Variants in ZDHHC6 observed in about 807,000 individuals in gnomAD.
ZDHHC6 encodes the protein palmitoyltransferase ZDHHC6.
A neutral mutation model predicts 57.8 loss-of-function variants in ZDHHC6; 32 were observed. That is an observed-to-expected ratio of 0.55 (90% CI 0.42 to 0.74). The LOEUF is 0.74. ZDHHC6 is among the 30% of genes least tolerant of loss of function. The pLI is 0.00. For missense variants in ZDHHC6, 433 were observed against 500.7 expected, an observed-to-expected ratio of 0.86 and a Z score of 1.29; for synonymous variants, 128 against 158.0, an observed-to-expected ratio of 0.81 and a Z score of 1.42.
downstream of ZDHHC6, chr10:112,425,429 A>G (rs1322229008): frequency 7.4e-6 from 12 of 1,613,640 alleles, no homozygotes; most frequent in Non-Finnish European, 1.0e-5. Flanking sequence ...GAAAATATCT[A>G]CAACAGGAGT....
chr10:112,426,223 C>G, downstream of ZDHHC6: 1 of 1,561,792 alleles, frequency 6.4e-7, no homozygotes, highest in Non-Finnish European at 8.8e-7. Context: ...CATAACTTCT[C>G]TCATGCCCTT....
At chr10:112,440,761 G>GA (rs1467156528) in intron 4 of ZDHHC6, 66 bp from the exon 5 acceptor site, 33 of 1,465,480 alleles carry the variant, frequency 2.3e-5, no homozygotes, top group Non-Finnish European at 3.0e-5. Flanking sequence ...ACTCTACTGT[G>GA]ACACGTAAAA....
intron 10 of ZDHHC6, among the ~76,000 whole-genome samples, chr10:112,431,161 C>G (rs529806051): frequency 6.6e-6 from 1 of 152,144 alleles, no homozygotes; most frequent in Non-Finnish European, 1.5e-5. Flanking sequence ...CAGCTCCTAA[C>G]TAGAGTCAGG....
downstream of ZDHHC6, chr10:112,427,469 T>A: frequency 9.6e-7 from 1 of 1,043,488 alleles, no homozygotes; most frequent in Non-Finnish European, 1.3e-6. Context: ...TTTAACCTGT[T>A]AAACTCTAAA....
At chr10:112,438,307 A>G (rs1845745138) in intron 6 of ZDHHC6, 29 bp downstream of exon 6, 1 of 1,264,330 alleles carries the variant, frequency 7.9e-7, no homozygotes, top group South Asian at 1.7e-5. Flanking sequence ...TACTTTTTTA[A>G]TATTGAAGAA....
intron 5 of ZDHHC6, among the ~76,000 whole-genome samples, chr10:112,440,052 G>C (rs1845958270): frequency 1.3e-5 from 2 of 151,454 alleles, no homozygotes; most frequent in African/African-American, 4.8e-5. Flanking sequence ...CCAAGTACAT[G>C]AATGGGTGAC....
downstream of ZDHHC6, chr10:112,426,667 CAT>C (rs1844732382): frequency 3.5e-6 from 3 of 852,748 alleles, no homozygotes; most frequent in Non-Finnish European, 3.8e-6. Flanking sequence ...TGTGCTTGTG[CAT>C]AGTTTTATAT....
At chr10:112,444,423 G>A (rs1228132398) in intron 2 of ZDHHC6, among the ~76,000 whole-genome samples, 1 of 152,180 alleles carries the variant, frequency 6.6e-6, no homozygotes, top group East Asian at 1.9e-4. Flanking sequence ...GCACAAGTGC[G>A]TTTGTTTCTT....
At chr10:112,436,293 G>T (rs762410934) in intron 6 of ZDHHC6, among the ~76,000 whole-genome samples, 1 of 152,166 alleles carries the variant, frequency 6.6e-6, no homozygotes, top group Non-Finnish European at 1.5e-5. Context: ...TGGCCAACAT[G>T]GTGAAAGCCT....
chr10:112,425,962 A>G (rs1158805088), downstream of ZDHHC6, among the ~76,000 whole-genome samples: 1 of 152,174 alleles, frequency 6.6e-6, no homozygotes, highest in African/African-American at 2.4e-5. Context: ...CTGTGCTTAA[A>G]TGTAGCTTTT....
At chr10:112,425,288 T>TATG in exon 12 of ZDHHC6, 1 of 1,523,718 alleles carries the variant, frequency 6.6e-7, no homozygotes, top group Non-Finnish European at 8.9e-7. Flanking sequence ...TCCCCACTGA[T>TATG]ATCATCTCTG....
At chr10:112,425,409 A>C (rs1303750666), downstream of ZDHHC6, 1 of 1,613,708 alleles carries the variant, frequency 6.2e-7, no homozygotes, top group Non-Finnish European at 8.5e-7. Context: ...ACATTGCACC[A>C]GAGAAGATAG....
At chr10:112,446,535 C>T (rs901115098) in intron 1 of ZDHHC6, 170 bp downstream of exon 1, 1 of 152,248 alleles carries the variant, frequency 6.6e-6, no homozygotes, top group East Asian at 1.9e-4. Context: ...TGACTTGTGC[C>T]TCAGTTTCCC....
intron 4 of ZDHHC6, 98 bp downstream of exon 4, chr10:112,442,094 A>G: frequency 2.3e-6 from 3 of 1,330,206 alleles, no homozygotes; most frequent in Non-Finnish European, 3.0e-6. Flanking sequence ...ACTAAATCAC[A>G]GAAAGCATAT....
chr10:112,436,280 G>A (rs142881394), intron 6 of ZDHHC6, among the ~76,000 whole-genome samples: 2 of 152,204 alleles, frequency 1.3e-5, no homozygotes, highest in African/African-American at 2.4e-5. Context: ...TTTGAGACCA[G>A]CCTGGCCAAC....
intron 2 of ZDHHC6, among the ~76,000 whole-genome samples, chr10:112,444,226 T>C (rs943489379): frequency 6.6e-6 from 1 of 152,216 alleles, no homozygotes; most frequent in African/African-American, 2.4e-5. Flanking sequence ...ACATGATCTT[T>C]TCCCCAGTCA....
Position 112,445,458 on chromosome 10 carries a change from C to T in ZDHHC6, c.-22G>A, listed in dbSNP as rs1247908812. 13 of 1,605,332 alleles carry T rather than the reference C, an allele frequency of 8.1e-6. No homozygotes were observed. In the South Asian group the frequency reaches 1.1e-4, roughly 14 times the overall value. On this transcript the variant is annotated 5_prime_UTR_variant, in exon 2 of 11. Transcript: ENST00000369405. The stretch of plus-strand genomic sequence containing the variant: ...CCATTTTGGCAAGGAAGAATGCCTT[C>T]CTACTTTAAAAGAATTATAGATTTC...
intron 6 of ZDHHC6, among the ~76,000 whole-genome samples, chr10:112,436,225 A>G (rs1466177355): frequency 6.6e-6 from 1 of 152,258 alleles, no homozygotes; most frequent in Non-Finnish European, 1.5e-5. Flanking sequence ...CTGTAATCCC[A>G]GCACTTTGGG....
chr10:112,442,157 T>A, intron 4 of ZDHHC6, 35 bp downstream of exon 4: 1 of 1,563,242 alleles, frequency 6.4e-7, no homozygotes, highest in Non-Finnish European at 8.6e-7. Flanking sequence ...CTTGCATGGA[T>A]GATTTTATAA....
Sources: gnomAD v4.1 joint callset for allele counts (sites outside exome capture counted in the v4.1 genomes callset) on GRCh38, gnomAD v4.1.1 for gene constraint, MANE v1.5 for transcripts, NCBI Gene and HGNC (gene_info 2026-07-23, HGNC 2026-07-21) for gene names.